The following MYCBPAP variants were observed in gnomAD, a reference collection of about 807,000 sequenced individuals.
MYCBPAP encodes the protein MYCBP associated protein, also known as MYCBP-associated protein.
A neutral mutation model predicts 106.1 loss-of-function variants in MYCBPAP; 60 were observed. The observed-to-expected ratio is 0.57, with a 90% CI of 0.46 to 0.70. The LOEUF (loss-of-function observed/expected upper bound fraction) is 0.70. MYCBPAP is among the 30% of genes least tolerant of loss of function. MYCBPAP has a pLI of 0.00. For missense variants in MYCBPAP, 1,064 were observed against 1,169.3 expected (o/e 0.91, Z 1.31); for synonymous variants, 407 against 440.6 (o/e 0.92, Z 0.95).
chr17:50,518,790 G>A (rs1383579303), intron 5 of MYCBPAP, 66 bp downstream of exon 5: 10 of 1,548,114 alleles, frequency 6.5e-6, no homozygotes, highest in African/African-American at 4.2e-5. Context: ...TGGGTTGTTT[G>A]CTCTCCTCCA....
intron 1 of MYCBPAP, chr17:50,510,121 G>T (rs950582954): frequency 6.6e-6 from 1 of 152,186 alleles, no homozygotes. Flanking sequence ...AGGCCCTGGG[G>T]AGACCCAGCC....
At chr17:50,529,722 A>G in intron 18 of MYCBPAP, 1 of 455,914 alleles carries the variant, frequency 2.2e-6, no homozygotes, top group Non-Finnish European at 4.4e-6. Flanking sequence ...ACTCTAGGGG[A>G]ACAGAGAGGA....
At chr17:50,527,488 A>G (rs1020452438) in intron 15 of MYCBPAP, 80 bp downstream of exon 15, 1 of 1,564,316 alleles carries the variant, frequency 6.4e-7, no homozygotes, top group Non-Finnish European at 8.7e-7. Context: ...CAGTCCTGGG[A>G]CTCCAGGGGT....
rs117934363 is a variant in MYCBPAP, at chr17:50,530,929, T to C, written c.2725-398T>C. Among the ~76,000 whole-genome samples, 1,249 of 152,214 alleles carry C rather than the reference T, an allele frequency of 8.2e-3. 12 individuals carry two copies. Among genetic ancestry groups the C allele is most frequent in the Non-Finnish European group, 0.014 (969 of 68,018 alleles). On this transcript the variant is annotated intron_variant, in intron 18 of 18. Transcript: ENST00000323776. ...AAGTAAAACTGCAAAAGCAGGTGGA[T>C]TGCTTGAGCCCAGGAGTTCGAGACT...
In MYCBPAP at chr17:50,525,974, G is replaced by C; in HGVS notation, c.1876G>C (p.Asp626His). Reference sequence around the variant, plus strand: ...CAAGGCTGAGGAGGCCAGGCCAGGGGACAAGGAGCACGTCAGCCCCATAGC... The same window carrying C: ...CAAGGCTGAGGAGGCCAGGCCAGGGCACAAGGAGCACGTCAGCCCCATAGC... ...PAKAEEARPG[D>H]KEHVSPIATE... is the part of the protein sequence containing the mutation. Residue 626 changes from aspartate to histidine, a missense_variant, in exon 14 of 19, where the codon GAC becomes CAC. By Grantham distance (81) the Asp-to-His change is moderately conservative. Coordinates refer to ENST00000323776, the MANE Select transcript of MYCBPAP (RefSeq NM_032133.6). 1 of 1,613,858 alleles carries C rather than the reference G, an allele frequency of 6.2e-7. No homozygotes were observed. The highest frequency in any genetic ancestry group is 8.5e-7 in the Non-Finnish European group (1 of 1,180,038).
At chr17:50,525,152 A>C in intron 13 of MYCBPAP, 129 bp downstream of exon 13, 2 of 1,131,934 alleles carry the variant, frequency 1.8e-6, no homozygotes, top group Non-Finnish European at 2.5e-6. Context: ...GCCTCCTGTC[A>C]GATCAGCGGT....
In MYCBPAP at chr17:50,525,006, C is replaced by T. The variant is rs772151350; in HGVS notation, c.1765C>T (p.Arg589Trp). 1.2e-5 allele frequency: 20 copies of T among 1,613,150 alleles called. No individual in the cohort carries two copies. Among genetic ancestry groups the T allele is most frequent in the African/African-American group, 6.7e-5 (5 of 74,912 alleles). Reference protein sequence around the residue: ...DAYLTEEDLFRHRNPPLHYEH... With the variant: ...DAYLTEEDLFWHRNPPLHYEH... Reference sequence around the variant, plus strand: ...CTATCTCACCGAGGAAGACTTGTTCCGGCACAGAAATCCTCCGGTGAGGCC... The same window carrying T: ...CTATCTCACCGAGGAAGACTTGTTCTGGCACAGAAATCCTCCGGTGAGGCC... The change falls in exon 13 of 19, where the codon CGG becomes TGG. Residue 589 changes from arginine (R) to tryptophan (W), a missense_variant. Arg to Trp is a moderately radical substitution (Grantham distance 101). Coordinates refer to ENST00000323776, the MANE Select transcript of MYCBPAP (RefSeq NM_032133.6).
rs1325560245 is a variant in MYCBPAP, at chr17:50,528,790, G to C, written c.2503G>C (p.Gly835Arg). ...KGAAQEKKQL[G>R]IKDKEDKKGA... ...AGCAGCCCAGGAAAAGAAGCAACTGGGGATCAAAGACAAAGAAGACAAGAA... is the reference window on the plus strand; with the variant it reads ...AGCAGCCCAGGAAAAGAAGCAACTGCGGATCAAAGACAAAGAAGACAAGAA... The change falls in exon 17 of 19, where the codon GGG becomes CGG. Residue 835 changes from glycine (G) to arginine (R), a missense_variant. Coordinates refer to ENST00000323776, the MANE Select transcript of MYCBPAP (RefSeq NM_032133.6). 6.2e-7 allele frequency: 1 copy of C among 1,614,076 alleles called. No homozygotes were observed. Among genetic ancestry groups the C allele is most frequent in the Non-Finnish European group, 8.5e-7 (1 of 1,180,030 alleles).
chr17:50,521,273 C>T, intron 8 of MYCBPAP, 43 bp from the exon 9 acceptor site: 1 of 1,594,292 alleles, frequency 6.3e-7, no homozygotes, highest in East Asian at 2.3e-5. Flanking sequence ...GGGGCGATGC[C>T]TGTCTTCAGT....
intron 7 of MYCBPAP, among the ~76,000 whole-genome samples, chr17:50,520,437 G>A (rs2034216073): frequency 6.6e-6 from 1 of 152,102 alleles, no homozygotes. Flanking sequence ...TCTGGGAGGT[G>A]GAGGTTGCAG....
In MYCBPAP at chr17:50,523,722, G is replaced by A; in HGVS notation, c.1573G>A (p.Val525Ile). Residue 525 changes from valine (V) to isoleucine (I), a missense_variant, in exon 12 of 19, where the codon GTC becomes ATC. Transcript: ENST00000323776. ...PTLLGGAILQVNLHAVSLTQD... is the reference protein window; with the variant it reads ...PTLLGGAILQINLHAVSLTQD... Reference sequence around the variant, plus strand: ...TCTATTAGGAGGTGCTATACTGCAGGTCAATCTCCACGCGGTCTCCCTGAC... The same window carrying A: ...TCTATTAGGAGGTGCTATACTGCAGATCAATCTCCACGCGGTCTCCCTGAC... The A allele has an allele frequency of 6.2e-7, 1 of 1,614,224 alleles. No individual in the cohort carries two copies. Among genetic ancestry groups the A allele is most frequent in the Non-Finnish European group, 8.5e-7 (1 of 1,180,038 alleles).
chr17:50,528,362 T>C lies in MYCBPAP; in HGVS notation c.2407+92T>C, dbSNP rs532046793. The stretch of plus-strand genomic sequence containing the variant: ...CAGTGCCTGGGCCAGTCATACTCCT[T>C]TGGTGGAAGCTCTGCTAGGTTGAGC... On this transcript the variant is annotated intron_variant, in intron 16 of 18. Coordinates refer to ENST00000323776, the MANE Select transcript of MYCBPAP (RefSeq NM_032133.6). 3.1e-5 allele frequency: 35 copies of C among 1,125,740 alleles called. No homozygotes were observed. In the South Asian group the frequency reaches 4.5e-4, roughly 15 times the overall value. The allele number at this position is 1,125,740 out of a possible 1,614,324, so 69.7% of individuals were successfully genotyped here.
At chr17:50,510,506 T>TGTGC (rs1267037730) in intron 1 of MYCBPAP, 4 of 99,178 alleles carry the variant, frequency 4.0e-5, no homozygotes, top group African/African-American at 2.2e-4. Context: ...TGTGTATATA[T>TGTGC]ATATATATAT....
intron 18 of MYCBPAP, 160 bp downstream of exon 18, chr17:50,529,348 C>T (rs1280390515): frequency 2.0e-5 from 13 of 660,118 alleles, no homozygotes; most frequent in Non-Finnish European, 3.0e-5. Flanking sequence ...ATAAGGAATG[C>T]GCCTAGCATG....
rs1052299788 is a variant in MYCBPAP, at chr17:50,508,655, T to C, written c.-20T>C. ...TGGGCCGGCGGTGCAGGGCAACGTT[T>C]CATGGTGCCGGGCGGCACCATGAAG... On this transcript the variant is annotated 5_prime_UTR_variant, in exon 1 of 19. Transcript: ENST00000323776. 2.5e-6 allele frequency: 4 copies of C among 1,596,552 alleles called. No homozygotes were observed. Among genetic ancestry groups the C allele is most frequent in the Non-Finnish European group, 3.4e-6 (4 of 1,169,546 alleles).
At chr17:50,517,759 C>T in intron 4 of MYCBPAP, 61 bp downstream of exon 4, 2 of 1,385,402 alleles carry the variant, frequency 1.4e-6, no homozygotes, top group South Asian at 1.2e-5. Context: ...GGTCTCCCAC[C>T]TGACACAGTC....
chr17:50,516,296 G>A (rs1368240725), intron 1 of MYCBPAP, among the ~76,000 whole-genome samples: 1 of 152,126 alleles, frequency 6.6e-6, no homozygotes, highest in Non-Finnish European at 1.5e-5. Flanking sequence ...GGCCTGAAAC[G>A]AAACATCTTC....
intron 1 of MYCBPAP, among the ~76,000 whole-genome samples, chr17:50,512,950 C>T (rs1013553012): frequency 6.6e-6 from 1 of 152,218 alleles, no homozygotes; most frequent in South Asian, 2.1e-4. Flanking sequence ...GGTGCGGTGG[C>T]TCATGCCTGT....
chr17:50,529,051 G>A lies in MYCBPAP; in HGVS notation c.2587G>A (p.Asp863Asn). 6.2e-7 allele frequency: 1 copy of A among 1,614,134 alleles called. No homozygotes were observed. Residue 863 changes from aspartate (D) to asparagine (N), a missense_variant, in exon 18 of 19, where the codon GAT becomes AAT. Asp to Asn is a conservative substitution (Grantham distance 23, BLOSUM62 1). Coordinates refer to ENST00000323776, the MANE Select transcript of MYCBPAP (RefSeq NM_032133.6). ...RPNSKKHKAK[D>N]DKKVIKSASQ... is the part of the protein sequence containing the mutation. Reference sequence around the variant, plus strand: ...CAACAGCAAGAAGCACAAGGCAAAGGATGACAAGAAAGTCATAAAATCTGC... The same window carrying A: ...CAACAGCAAGAAGCACAAGGCAAAGAATGACAAGAAAGTCATAAAATCTGC...
Sources: allele counts gnomAD v4.1 joint callset (sites outside exome capture counted in the v4.1 genomes callset), GRCh38; gene constraint gnomAD v4.1.1; transcripts MANE v1.5; gene names NCBI Gene and HGNC (gene_info 2026-07-23, HGNC 2026-07-21).